PDCD6: variants seen among roughly 807,000 people sequenced by gnomAD.
PDCD6 encodes the protein programmed cell death 6, also known as programmed cell death protein 6.
PDCD6 carries 12 observed loss-of-function variants against 28.3 expected under a neutral mutation model. The ratio of observed to expected loss-of-function variants is 0.42; its 90% CI spans 0.27 to 0.69. The LOEUF is 0.69. Ranked by LOEUF, PDCD6 falls within the 30% of genes least tolerant of loss-of-function variation. The pLI is 0.22. For missense variants in PDCD6, 226 were observed against 269.9 expected (o/e 0.84, Z 1.14); for synonymous variants, 92 against 108.0 (o/e 0.85, Z 0.92).
At chr5:314,295 G>T in intron 5 of PDCD6, 122 bp from the exon 6 acceptor site, 1 of 668,760 alleles carries the variant, frequency 1.5e-6, no homozygotes, top group Non-Finnish European at 2.6e-6. Flanking sequence ...CCTGTGCTGG[G>T]CTCCATCAGG....
At chr5:290,101 A>T in intron 2 of PDCD6, 1 of 1,572,818 alleles carries the variant, frequency 6.4e-7, no homozygotes, top group Admixed American at 1.7e-5. Context: ...AATATATTCG[A>T]CATTAGGGTT....
chr5:279,361 C>T (rs1463005091), intron 2 of PDCD6, among the ~76,000 whole-genome samples: 1 of 152,084 alleles, frequency 6.6e-6, no homozygotes, highest in Non-Finnish European at 1.5e-5. Context: ...GCCAGGCCTG[C>T]CCTCTTAGGC....
At position 271,657 on chromosome 5, in the gene PDCD6, C is replaced by A; in HGVS notation, c.-64C>A. On this transcript the variant is annotated 5_prime_UTR_variant, in exon 1 of 6. Transcript: ENST00000264933. ...GCCCTGCCCCCGGCAGAGGCGGAAG[C>A]GGAGTCGGCCTGAGAGGTCTCTCGT... The A allele has an allele frequency of 1.1e-6, 1 of 926,036 alleles. No individual in the cohort carries two copies. Among genetic ancestry groups the A allele is most frequent in the Non-Finnish European group, 1.7e-6 (1 of 593,814 alleles). 57.4% of individuals were successfully genotyped at this position (926,036 alleles called of 1,614,324 possible).
chr5:278,802 G>A (rs1442590028), intron 2 of PDCD6, among the ~76,000 whole-genome samples: 1 of 147,286 alleles, frequency 6.8e-6, no homozygotes, highest in Non-Finnish European at 1.5e-5. Flanking sequence ...GAGGGTGCTG[G>A]GGATGCAGGG....
chr5:290,486 G>A (rs1226251494), intron 2 of PDCD6, among the ~76,000 whole-genome samples: 1 of 152,150 alleles, frequency 6.6e-6, no homozygotes, highest in Non-Finnish European at 1.5e-5. Flanking sequence ...GCATGTGAGA[G>A]AGTGAGACCA....
chr5:288,765 A>G lies in PDCD6; in HGVS notation c.164-15412A>G, dbSNP rs532273068. 19 of 731,048 alleles carry G rather than the reference A, an allele frequency of 2.6e-5. No homozygotes were observed. In the African/African-American group the frequency reaches 3.1e-4, roughly 12 times the overall value. The allele number at this position is 731,048 out of a possible 1,614,324, so 45.3% of individuals were successfully genotyped here. On this transcript the variant is annotated intron_variant, in intron 2 of 5. Transcript: ENST00000264933. ...TAAAACTAAACGTGGACTTTTTTAC[A>G]TAAAAGTTTTATACGGCGTTAAAAC...
intron 2 of PDCD6, among the ~76,000 whole-genome samples, chr5:274,965 G>GTGTC (rs376770966): frequency 0.01 from 1,578 of 152,246 alleles, 14 homozygotes; most frequent in South Asian, 0.025. Context: ...TTTGAAATCA[G>GTGTC]TGGCTTAACC....
intron 2 of PDCD6, among the ~76,000 whole-genome samples, chr5:301,055 C>G (rs556390201): frequency 2.0e-5 from 3 of 152,144 alleles, no homozygotes; most frequent in African/African-American, 7.2e-5. Flanking sequence ...CTTGTTTGAC[C>G]GTGTTATTTG....
chr5:311,233 T>C (rs2126781883), intron 4 of PDCD6, 60 bp from the exon 5 acceptor site: 1 of 1,267,772 alleles, frequency 7.9e-7, no homozygotes, highest in Non-Finnish European at 1.1e-6. Flanking sequence ...GAGGGGTGAG[T>C]GTTGGCACAT....
In PDCD6 at chr5:286,409, C is replaced by A. The variant is rs192730606; in HGVS notation, c.163+13637C>A. The stretch of plus-strand genomic sequence containing the variant: ...ATGTTCCCGTTTGAGGGCTGTGCAG[C>A]TGGAGGCCTAGCGAGGAGCTAATGT... On this transcript the variant is annotated intron_variant, in intron 2 of 5. Coordinates refer to ENST00000264933, the MANE Select transcript of PDCD6 (RefSeq NM_013232.4). 7.3e-5 allele frequency among the ~76,000 whole-genome samples: 11 copies of A among 150,502 alleles called. No homozygotes were observed. In the East Asian group the frequency reaches 2.0e-3, roughly 27 times the overall value.
intron 4 of PDCD6, chr5:308,811 T>G (rs1264111417): frequency 6.6e-6 from 1 of 151,978 alleles, no homozygotes; most frequent in Non-Finnish European, 1.5e-5. Flanking sequence ...GGCCACATGG[T>G]GGATTTCATA....
chr5:289,356 A>T lies in PDCD6; in HGVS notation c.164-14821A>T, dbSNP rs1303170207. On this transcript the variant is annotated intron_variant, in intron 2 of 5. Coordinates refer to ENST00000264933, the MANE Select transcript of PDCD6 (RefSeq NM_013232.4). Reference sequence around the variant, plus strand: ...CAATTCTTTCACGAAAGCAATGAATACAAGAATTTGAGGATCTTCTTACTC... The same window carrying T: ...CAATTCTTTCACGAAAGCAATGAATTCAAGAATTTGAGGATCTTCTTACTC... The T allele has an allele frequency of 5.3e-6, 3 of 568,282 alleles. 1 individual carries two copies. In the East Asian group the frequency reaches 9.0e-5, roughly 17 times the overall value. 35.2% of individuals were successfully genotyped at this position (568,282 alleles called of 1,614,324 possible).
rs145058057 is a variant in PDCD6 at position 307,405 on chromosome 5, C to T, written c.367+645C>T. On this transcript the variant is annotated intron_variant, in intron 4 of 5. Coordinates refer to ENST00000264933, the MANE Select transcript of PDCD6 (RefSeq NM_013232.4). The surrounding 1 kb of genome is among the most constrained non-coding windows in gnomAD (Gnocchi z 6.1). ...CTCAGAAGGGGCGTTAGGCAGAACGCGTGCCCATTCTCAGGTGCGCTCAGC... is the reference window on the plus strand; with the variant it reads ...CTCAGAAGGGGCGTTAGGCAGAACGTGTGCCCATTCTCAGGTGCGCTCAGC... Among the ~76,000 whole-genome samples, 1,687 of 149,896 alleles carry T rather than the reference C, an allele frequency of 0.011. 17 individuals are homozygous for T. Among genetic ancestry groups the T allele is most frequent in the Middle Eastern group, 0.024 (7 of 286 alleles).
chr5:302,973 A>G (rs1740203757), intron 2 of PDCD6, among the ~76,000 whole-genome samples: 1 of 152,232 alleles, frequency 6.6e-6, no homozygotes, highest in Admixed American at 6.5e-5. Flanking sequence ...GATCTTCCCA[A>G]GGGGAAGTTG....
At chr5:274,035 C>T (rs572852374) in intron 2 of PDCD6, among the ~76,000 whole-genome samples, 28 of 151,764 alleles carry the variant, frequency 1.8e-4, no homozygotes, top group Non-Finnish European at 3.5e-4. Flanking sequence ...ATCCAGTAGG[C>T]TACAATTTGG....
In PDCD6 at chr5:306,772, A is replaced by T; in HGVS notation, c.367+12A>T. On this transcript the variant is annotated intron_variant, in intron 4 of 5. Transcript: ENST00000264933. ...CCTCTCAGGTTTCGGTAACTCACTCACTCTGGCTTGTGTAGCGTGTTTCAT... is the reference window on the plus strand; with the variant it reads ...CCTCTCAGGTTTCGGTAACTCACTCTCTCTGGCTTGTGTAGCGTGTTTCAT... 6.2e-7 allele frequency: 1 copy of T among 1,612,066 alleles called. No homozygotes were observed. The highest frequency in any genetic ancestry group is 8.5e-7 in the Non-Finnish European group (1 of 1,178,766).
At chr5:301,338 G>A (rs192010062) in intron 2 of PDCD6, among the ~76,000 whole-genome samples, 13 of 152,304 alleles carry the variant, frequency 8.5e-5, no homozygotes, top group Admixed American at 6.5e-5. Context: ...GGTGAAGAAC[G>A]GGGGAGACCA....
rs113889994 is a variant in PDCD6 at position 283,172 on chromosome 5, A to G, written c.163+10400A>G. ...TTGAGGATCTTGTAGCTACAGACCCATAGAGGAGCTGATGATCTAGATTCA... is the reference window on the plus strand; with the variant it reads ...TTGAGGATCTTGTAGCTACAGACCCGTAGAGGAGCTGATGATCTAGATTCA... On this transcript the variant is annotated intron_variant, in intron 2 of 5. Coordinates refer to ENST00000264933, the MANE Select transcript of PDCD6 (RefSeq NM_013232.4). Among the ~76,000 whole-genome samples, 529 of 143,806 alleles carry G rather than the reference A, an allele frequency of 3.7e-3. 2 individuals carry two copies. The highest frequency in any genetic ancestry group is 8.8e-3 in the Middle Eastern group (2 of 228). The allele number at this position is 143,806 out of a possible 152,430, so 94.3% of individuals were successfully genotyped here.
intron 2 of PDCD6, among the ~76,000 whole-genome samples, chr5:296,345 C>G (rs979952488): frequency 2.0e-5 from 3 of 152,140 alleles, no homozygotes; most frequent in Non-Finnish European, 4.4e-5. Context: ...GGCCTCTGCT[C>G]TCTCGCCACA....
Sources: allele counts gnomAD v4.1 joint callset (sites outside exome capture counted in the v4.1 genomes callset), GRCh38; gene constraint gnomAD v4.1.1; non-coding constraint Gnocchi (gnomAD v3.1); transcripts MANE v1.5; gene names NCBI Gene and HGNC (gene_info 2026-07-23, HGNC 2026-07-21).